Variants in DHX29 observed in about 807,000 individuals in gnomAD.
The protein encoded by DHX29 is ATP-dependent RNA helicase DHX29.
DHX29 carries 79 observed loss-of-function variants against 167.9 expected under a neutral mutation model. That is an observed-to-expected ratio of 0.47 (90% CI 0.39 to 0.57). The LOEUF (loss-of-function observed/expected upper bound fraction) is 0.57, where lower values mean the gene tolerates loss of function less well. Ranked by LOEUF, DHX29 falls within the 20% of genes least tolerant of loss-of-function variation. DHX29 has a pLI of 0.00. For missense variants in DHX29, 1,347 were observed against 1,593.4 expected, an observed-to-expected ratio of 0.85 and a Z score of 2.63; for synonymous variants, 530 against 546.0, an observed-to-expected ratio of 0.97 and a Z score of 0.41.
intron 12 of DHX29, among the ~76,000 whole-genome samples, chr5:55,278,411 T>C (rs1259720976): frequency 6.6e-6 from 1 of 152,226 alleles, no homozygotes; most frequent in Admixed American, 6.5e-5. Flanking sequence ...CATTTAAATA[T>C]TCTGGGTCTA....
chr5:55,305,183 A>T (rs1450069925), intron 1 of DHX29, among the ~76,000 whole-genome samples: 4 of 152,272 alleles, frequency 2.6e-5, no homozygotes, highest in African/African-American at 9.6e-5. Context: ...TTTACATATC[A>T]TAAGGCAAGA....
In DHX29 at chr5:55,259,955, G is replaced by A. The variant is rs755056657; in HGVS notation, c.3961-11C>T. On this transcript the variant is annotated splice_polypyrimidine_tract_variant and intron_variant, in intron 25 of 26. Transcript: ENST00000251636. ...TATCTTTACAGGGGCCTGTTAAGAG[G>A]AGTTGAAAAAATGGACAAAGTCAAT... is the stretch of plus-strand genomic sequence containing the variant. The A allele has an allele frequency of 3.2e-6, 5 of 1,551,020 alleles. No homozygotes were observed. Among genetic ancestry groups the A allele is most frequent in the Non-Finnish European group, 4.4e-6 (5 of 1,126,818 alleles).
chr5:55,270,312 T>G, intron 20 of DHX29, 100 bp downstream of exon 20: 2 of 1,335,692 alleles, frequency 1.5e-6, no homozygotes, highest in Non-Finnish European at 2.0e-6. Flanking sequence ...GTAAAAAAGT[T>G]GAAAATCTAA....
At position 55,307,689 on chromosome 5, in the gene DHX29, C is replaced by T. The variant is rs1018632464; in HGVS notation, c.-116G>A. ...CTGCCACCCTGCGCTTCGATCCGGG[C>T]TTCTCGGGCCGGGGCGACCGCTGCC... On this transcript the variant is annotated 5_prime_UTR_variant, in exon 1 of 27. Transcript: ENST00000251636. 5.1e-6 allele frequency: 7 copies of T among 1,370,046 alleles called. No individual in the cohort carries two copies. The Admixed American group carries it at 9.0e-5, about 18-fold the overall frequency. 84.9% of individuals were successfully genotyped at this position (1,370,046 alleles called of 1,614,324 possible).
At chr5:55,290,402 T>C in intron 6 of DHX29, 58 bp from the exon 7 acceptor site, 11 of 1,527,224 alleles carry the variant, frequency 7.2e-6, no homozygotes, top group Non-Finnish European at 8.8e-6. Flanking sequence ...GATTAGTTTA[T>C]CTATGGTCAA....
chr5:55,257,998 C>T (rs1746132142), intron 26 of DHX29, among the ~76,000 whole-genome samples: 1 of 152,152 alleles, frequency 6.6e-6, no homozygotes, highest in South Asian at 2.1e-4. Context: ...AATGCTTATG[C>T]ATTCATATTT....
intron 3 of DHX29, 38 bp from the exon 4 acceptor site, chr5:55,296,387 AAGTTCC>A: frequency 6.3e-7 from 1 of 1,588,790 alleles, no homozygotes. Flanking sequence ...ACATTTGTCA[AAGTTCC>A]CTTCCTGTGT....
At chr5:55,257,671 T>C (rs1746117406) in intron 26 of DHX29, among the ~76,000 whole-genome samples, 1 of 152,218 alleles carries the variant, frequency 6.6e-6, no homozygotes, top group South Asian at 2.1e-4. Context: ...TTTCAAATGT[T>C]TGGCATTCTA....
intron 5 of DHX29, 86 bp from the exon 6 acceptor site, chr5:55,294,231 C>A: frequency 7.7e-7 from 1 of 1,294,586 alleles, no homozygotes; most frequent in Non-Finnish European, 1.0e-6. Context: ...AATTTCCTCA[C>A]ACTCAAAAGC....
intron 6 of DHX29, among the ~76,000 whole-genome samples, chr5:55,293,126 A>G (rs905140930): frequency 1.3e-5 from 2 of 152,352 alleles, no homozygotes; most frequent in African/African-American, 2.4e-5. Flanking sequence ...ATTCTTTTAC[A>G]CAAATGAATT....
At chr5:55,281,094 C>T (rs1182159482) in intron 12 of DHX29, among the ~76,000 whole-genome samples, 1 of 150,852 alleles carries the variant, frequency 6.6e-6, no homozygotes, top group Non-Finnish European at 1.5e-5. Flanking sequence ...ATATATAACC[C>T]TTTGAATAGC....
chr5:55,286,394 T>G (rs528689005), intron 8 of DHX29, among the ~76,000 whole-genome samples: 3 of 152,230 alleles, frequency 2.0e-5, no homozygotes, highest in Non-Finnish European at 2.9e-5. Flanking sequence ...GAGGAACTTA[T>G]GTATTCTTGT....
chr5:55,285,524 T>A (rs1747675815), intron 9 of DHX29, 108 bp from the exon 10 acceptor site: 1 of 1,284,194 alleles, frequency 7.8e-7, no homozygotes, highest in Middle Eastern at 2.8e-4. Flanking sequence ...ATTTAAATAT[T>A]TCCATGGAAG....
At chr5:55,291,814 C>T (rs1440873485) in intron 6 of DHX29, among the ~76,000 whole-genome samples, 1 of 152,166 alleles carries the variant, frequency 6.6e-6, no homozygotes, top group African/African-American at 2.4e-5. Context: ...AGCATAATGT[C>T]GGTCGAGGTC....
At chr5:55,267,618 GT>G in intron 22 of DHX29, 67 bp downstream of exon 22, 1 of 1,385,128 alleles carries the variant, frequency 7.2e-7, no homozygotes, top group Non-Finnish European at 9.7e-7. Flanking sequence ...TAAGTCAAAG[GT>G]AATATATTTT....
chr5:55,258,022 A>T (rs1210191168), intron 26 of DHX29, among the ~76,000 whole-genome samples: 1 of 152,232 alleles, frequency 6.6e-6, no homozygotes. Context: ...TATACAAATA[A>T]ACACAGAGTA....
chr5:55,281,380 C>T lies in DHX29; in HGVS notation c.2101G>A (p.Val701Ile). The change falls in exon 12 of 27, where the codon GTA (valine) becomes ATA (isoleucine). Residue 701 changes from valine (V) to isoleucine (I), a missense_variant. Val to Ile is a conservative substitution (Grantham distance 29). This residue lies in a region of DHX29 where 882 missense variants were observed against 1,082.4 expected (regional missense o/e 0.81). Transcript: ENST00000251636. The stretch of plus-strand genomic sequence containing the variant: ...CTATAGAATCCACTCACCTCATCTA[C>T]AATAACATGAGACACATTACTTAGA... ...GLLSNVSHVIVDEVHERSVQS... is the reference protein window; with the variant it reads ...GLLSNVSHVIIDEVHERSVQS... The T allele has an allele frequency of 8.8e-6, 14 of 1,583,790 alleles. No homozygotes were observed. The highest frequency in any genetic ancestry group is 1.4e-5 in the African/African-American group (1 of 73,828).
At chr5:55,267,001 A>G (rs569113280) in intron 23 of DHX29, 137 bp downstream of exon 23, 34 of 560,892 alleles carry the variant, frequency 6.1e-5, no homozygotes, top group African/African-American at 5.5e-4. Flanking sequence ...AAGAAGTACA[A>G]TCACAAATGT....
chr5:55,307,580 G>C lies in DHX29; in HGVS notation c.-7C>G. 6.2e-7 allele frequency: 1 copy of C among 1,613,122 alleles called. No homozygotes were observed. The highest frequency in any genetic ancestry group is 8.5e-7 in the Non-Finnish European group (1 of 1,179,932). Reference sequence around the variant, plus strand: ...TCTTGTTCTTGCCGCCCATGTTGCAGCTGTGGCAGAAGATCCTTCGCGGCC... The same window carrying C: ...TCTTGTTCTTGCCGCCCATGTTGCACCTGTGGCAGAAGATCCTTCGCGGCC... On this transcript the variant is annotated 5_prime_UTR_variant, in exon 1 of 27. Coordinates refer to ENST00000251636, the MANE Select transcript of DHX29 (RefSeq NM_019030.4).
Sources: gnomAD v4.1 joint callset for allele counts (sites outside exome capture counted in the v4.1 genomes callset) on GRCh38, gnomAD v4.1.1 for gene constraint, gnomAD v4.1.1 regional missense constraint, MANE v1.5 for transcripts, NCBI Gene and HGNC (gene_info 2026-07-23, HGNC 2026-07-21) for gene names.